UBASH3B: variants seen among roughly 807,000 people sequenced by gnomAD.
The protein encoded by UBASH3B is ubiquitin-associated and SH3 domain-containing protein B.
Under a neutral mutation model 83.4 loss-of-function variants are expected in UBASH3B, and 37 were observed. That is an observed-to-expected ratio of 0.44 (90% CI 0.34 to 0.58). The LOEUF (loss-of-function observed/expected upper bound fraction) is 0.58. UBASH3B is among the 20% of genes least tolerant of loss of function. The pLI, the probability that UBASH3B is intolerant of heterozygous loss-of-function variation, is 0.01. For missense variants in UBASH3B, 657 were observed against 827.2 expected (o/e 0.79, Z 2.52); for synonymous variants, 304 against 318.3 (o/e 0.96, Z 0.48).
At chr11:122,660,629 G>C (rs1256973534) in intron 1 of UBASH3B, among the ~76,000 whole-genome samples, 2 of 152,196 alleles carry the variant, frequency 1.3e-5, no homozygotes, top group Non-Finnish European at 2.9e-5. Flanking sequence ...GCTGACCTCT[G>C]GTTTCTGGGG....
chr11:122,672,482 C>T (rs746317305), intron 1 of UBASH3B, among the ~76,000 whole-genome samples: 7 of 152,070 alleles, frequency 4.6e-5, no homozygotes, highest in Non-Finnish European at 8.8e-5. Context: ...CACACCACCA[C>T]ACCCAGCTAC....
At chr11:122,761,274 T>A (rs958654731) in intron 1 of UBASH3B, among the ~76,000 whole-genome samples, 4 of 152,130 alleles carry the variant, frequency 2.6e-5, no homozygotes, top group African/African-American at 9.7e-5. Context: ...TTTACTCACA[T>A]ATTCTTTACC....
intron 3 of UBASH3B, among the ~76,000 whole-genome samples, chr11:122,778,934 T>C (rs964697363): frequency 2.6e-5 from 4 of 152,188 alleles, no homozygotes; most frequent in Non-Finnish European, 5.9e-5. Flanking sequence ...AAAAATTATA[T>C]ACATTTATGG....
At chr11:122,688,202 C>G (rs112731162) in intron 1 of UBASH3B, among the ~76,000 whole-genome samples, 8 of 152,056 alleles carry the variant, frequency 5.3e-5, no homozygotes, top group African/African-American at 1.4e-4. Context: ...AGGATCCAGA[C>G]ACCGAGAGGG....
chr11:122,691,401 G>T (rs1329261870), intron 1 of UBASH3B, among the ~76,000 whole-genome samples: 1 of 152,066 alleles, frequency 6.6e-6, no homozygotes, highest in African/African-American at 2.4e-5. Flanking sequence ...GACTTCCTTG[G>T]GTGCAAACTA....
rs188096340 is a variant in UBASH3B at position 122,672,431 on chromosome 11, T to C, written c.161+16221T>C. On this transcript the variant is annotated intron_variant, in intron 1 of 13. Transcript: ENST00000284273. ...GCCTCCCGGATTCAAGCGATTCTTC[T>C]GCCTCAACCTCAACCTCCCATGTAG... 5.1e-3 allele frequency among the ~76,000 whole-genome samples: 774 copies of C among 152,232 alleles called. 5 individuals are homozygous for C. Among genetic ancestry groups the C allele is most frequent in the African/African-American group, 0.018 (729 of 41,534 alleles).
intron 5 of UBASH3B, among the ~76,000 whole-genome samples, chr11:122,784,830 C>T (rs553168068): frequency 7.9e-5 from 12 of 152,216 alleles, no homozygotes; most frequent in Admixed American, 2.6e-4. Flanking sequence ...ACGTGATGTC[C>T]TCCTTTTGAG....
At chr11:122,756,323 G>A (rs2135972368) in intron 1 of UBASH3B, among the ~76,000 whole-genome samples, 1 of 152,280 alleles carries the variant, frequency 6.6e-6, no homozygotes, top group Admixed American at 6.5e-5. Context: ...GCTTAATACT[G>A]CCTCTTTCTT....
At chr11:122,718,731 G>A (rs918929077) in intron 1 of UBASH3B, among the ~76,000 whole-genome samples, 2 of 152,162 alleles carry the variant, frequency 1.3e-5, no homozygotes, top group Admixed American at 6.5e-5. Flanking sequence ...AACTCATAGC[G>A]CATGTGTGTG....
At chr11:122,729,743 T>G (rs1180366107) in intron 1 of UBASH3B, among the ~76,000 whole-genome samples, 1 of 135,542 alleles carries the variant, frequency 7.4e-6, no homozygotes, top group African/African-American at 2.9e-5. Flanking sequence ...GAGGATCGCT[T>G]GAGCCCAGGA....
At chr11:122,680,110 C>G (rs938787582) in intron 1 of UBASH3B, among the ~76,000 whole-genome samples, 1 of 152,130 alleles carries the variant, frequency 6.6e-6, no homozygotes, top group African/African-American at 2.4e-5. Context: ...GGATTACAGG[C>G]GTGAGCCACC....
intron 1 of UBASH3B, among the ~76,000 whole-genome samples, chr11:122,664,329 A>AAG (rs1242880758): frequency 4.6e-5 from 7 of 152,166 alleles, no homozygotes; most frequent in African/African-American, 1.7e-4. Flanking sequence ...ACTCAAGCCT[A>AAG]AGAGAGAGAG....
At chr11:122,710,972 A>T (rs561206153) in intron 1 of UBASH3B, among the ~76,000 whole-genome samples, 53 of 152,322 alleles carry the variant, frequency 3.5e-4, no homozygotes, top group Non-Finnish European at 5.0e-4. Context: ...CAGGCCATAG[A>T]GGAAACATTG....
chr11:122,783,710 G>A (rs1016770697), intron 5 of UBASH3B, among the ~76,000 whole-genome samples: 3 of 152,080 alleles, frequency 2.0e-5, no homozygotes, highest in Non-Finnish European at 4.4e-5. Context: ...GAGCATACTG[G>A]AATTTTTAAA....
chr11:122,783,941 C>CT lies in UBASH3B; in HGVS notation c.771+735dup, dbSNP rs35464960. Reference sequence around the variant, plus strand: ...TGACATCTTGGAAGCATAATATTGCCTTTTTTTTTTTTTTTTAAATGGAGT... The same window carrying CT: ...TGACATCTTGGAAGCATAATATTGCCTTTTTTTTTTTTTTTTTAAATGGAGT... On this transcript the variant is annotated intron_variant, in intron 5 of 13. Coordinates refer to ENST00000284273, the MANE Select transcript of UBASH3B (RefSeq NM_032873.5). 2.4e-3 allele frequency among the ~76,000 whole-genome samples: 343 copies of CT among 142,362 alleles called. 1 individual carries two copies. The highest frequency in any genetic ancestry group is 0.014 in the Middle Eastern group (4 of 282). The allele number at this position is 142,362 out of a possible 152,430, so 93.4% of individuals were successfully genotyped here. A position where few individuals can be genotyped will look rare whatever the true frequency, so the allele number is the denominator to read the frequency against.
At chr11:122,800,388 A>G (rs1480175974) in intron 10 of UBASH3B, among the ~76,000 whole-genome samples, 1 of 149,620 alleles carries the variant, frequency 6.7e-6, no homozygotes, top group African/African-American at 2.4e-5. Flanking sequence ...AAATACAAAA[A>G]AAAAAAAAAA....
At chr11:122,775,134 G>A (rs937748666) in intron 1 of UBASH3B, among the ~76,000 whole-genome samples, 4 of 152,232 alleles carry the variant, frequency 2.6e-5, no homozygotes, top group Admixed American at 1.3e-4. Flanking sequence ...GCCTAGCACA[G>A]TGCTGACAAA....
Position 122,810,992 on chromosome 11 carries a change from A to G in UBASH3B, c.*1106A>G, listed in dbSNP as rs1444360972. The G allele has an allele frequency of 1.3e-5, 2 of 152,328 alleles. No homozygotes were observed. The highest frequency in any genetic ancestry group is 2.9e-5 in the Non-Finnish European group (2 of 68,028). 9.4% of individuals were successfully genotyped at this position (152,328 alleles called of 1,614,324 possible). On this transcript the variant is annotated 3_prime_UTR_variant, in exon 14 of 14. Coordinates refer to ENST00000284273, the MANE Select transcript of UBASH3B (RefSeq NM_032873.5). ...GGAACTAATATAAATGATGACAGTCATGGCTGCACTGCTACTTGTGCTGTC... is the reference window on the plus strand; with the variant it reads ...GGAACTAATATAAATGATGACAGTCGTGGCTGCACTGCTACTTGTGCTGTC...
chr11:122,718,730 C>T (rs562041099), intron 1 of UBASH3B, among the ~76,000 whole-genome samples: 5 of 152,270 alleles, frequency 3.3e-5, no homozygotes, highest in South Asian at 2.1e-4. Context: ...TAACTCATAG[C>T]GCATGTGTGT....
Sources: allele counts gnomAD v4.1 joint callset (sites outside exome capture counted in the v4.1 genomes callset), GRCh38; gene constraint gnomAD v4.1.1; transcripts MANE v1.5; gene names NCBI Gene and HGNC (gene_info 2026-07-23, HGNC 2026-07-21).